Variants in KDM5C observed in about 807,000 individuals in gnomAD.
KDM5C encodes lysine demethylase 5C.
KDM5C carries 16 observed loss-of-function variants against 110.6 expected under a neutral mutation model. The ratio of observed to expected loss-of-function variants is 0.14; its 90% confidence interval spans 0.10 to 0.22. The LOEUF is 0.22. KDM5C is among the 10% of genes least tolerant of loss of function. KDM5C has a pLI of 1.00. For missense variants in KDM5C, 681 were observed against 1,300.9 expected, an observed-to-expected ratio of 0.52 and a Z score of 7.33; for synonymous variants, 511 against 520.4, an observed-to-expected ratio of 0.98 and a Z score of 0.24.
chrX:53,200,563 G>T lies in KDM5C; in HGVS notation c.2061+987C>A, dbSNP rs148561691. ...GAAAATGATGCCTGGAAAAGCCCAG[G>T]GACTCAACAACTTACACCACGACTG... On this transcript the variant is annotated intron_variant, in intron 14 of 25. Coordinates refer to ENST00000375401, the MANE Select transcript of KDM5C (RefSeq NM_004187.5). 1.3e-3 allele frequency among the ~76,000 whole-genome samples: 147 copies of T among 111,340 alleles called. 2 individuals are homozygous for T. In the East Asian group the frequency reaches 0.039, roughly 30 times the overall value.
chrX:53,207,174 T>C (rs1210449506), intron 12 of KDM5C, among the ~76,000 whole-genome samples: 1 of 33,684 alleles, frequency 3.0e-5, no homozygotes. Context: ...TGAGACTCCT[T>C]CTCCAAAAAA....
chrX:53,197,363 C>A (rs1168933616), intron 18 of KDM5C, among the ~76,000 whole-genome samples: 1 of 111,309 alleles, frequency 9.0e-6, no homozygotes, highest in South Asian at 3.8e-4. Flanking sequence ...CACCAAGAGA[C>A]CTCCCTGCCC....
intron 3 of KDM5C, 70 bp downstream of exon 3, chrX:53,218,206 A>C (rs1344823238): frequency 8.5e-7 from 1 of 1,176,716 alleles, no homozygotes; most frequent in East Asian, 3.0e-5. Context: ...ATCCAAACTA[A>C]GGGGGCCCCC....
chrX:53,196,733 G>T lies in KDM5C; in HGVS notation c.2934C>A (p.Thr978=). 8.2e-7 allele frequency: 1 copy of T among 1,212,255 alleles called. No homozygotes were observed. The highest frequency in any genetic ancestry group is 1.1e-6 in the Non-Finnish European group (1 of 895,513). The change falls in exon 19 of 26, where the codon ACC becomes ACA. Residue 978 remains threonine, a synonymous_variant. Coordinates refer to ENST00000375401, the MANE Select transcript of KDM5C (RefSeq NM_004187.5). ...CTTTCTCCTCCCAGCGTTCAGCAAT[G>T]GTCAGCAGTTCCTGCAGCTCGGCCT... is the stretch of plus-strand genomic sequence containing the variant. ...KAQAELQELL[T]IAERWEEKAH... is the part of the protein sequence containing the mutation.
At chrX:53,220,794 G>A (rs781807236) in intron 2 of KDM5C, 45 bp downstream of exon 2, 1 of 1,048,779 alleles carries the variant, frequency 9.5e-7, no homozygotes, top group African/African-American at 1.8e-5. Context: ...TTAGAACTCA[G>A]GTATACATTC....
rs782272528 is a variant in KDM5C, at chrX:53,193,316, C to T, written c.4334G>A (p.Arg1445His). 7.5e-5 allele frequency: 91 copies of T among 1,209,076 alleles called. No homozygotes were observed. The highest frequency in any genetic ancestry group is 9.2e-5 in the Non-Finnish European group (82 of 895,009). The change falls in exon 26 of 26, where the codon CGT (arginine) becomes CAT (histidine). Residue 1445 changes from arginine to histidine, a missense_variant. Arg to His is a conservative substitution (Grantham distance 29). Transcript: ENST00000375401. ...CCGGCCCCGAGCCCGACTCCCGTGACGCTCTGCCTTCTCCAGCTGTGATTA... is the reference window on the plus strand; with the variant it reads ...CCGGCCCCGAGCCCGACTCCCGTGATGCTCTGCCTTCTCCAGCTGTGATTA... ...RTLLELEKAERHGSRARGRAL... is the reference protein window; with the variant it reads ...RTLLELEKAEHHGSRARGRAL...
chrX:53,202,414 C>T (rs901536110), intron 12 of KDM5C: 3 of 147,058 alleles, frequency 2.0e-5, no homozygotes, highest in East Asian at 1.7e-4. Flanking sequence ...ATTATTTTGG[C>T]GTTGATTATA....
At chrX:53,188,046 A>T (rs1934281352), downstream of KDM5C, among the ~76,000 whole-genome samples, 1 of 111,412 alleles carries the variant, frequency 9.0e-6, no homozygotes, top group Non-Finnish European at 1.9e-5. Flanking sequence ...CCGGCCAAAA[A>T]ATAATTTTTT....
chrX:53,207,194 A>AAT (rs1392668399), intron 12 of KDM5C, among the ~76,000 whole-genome samples: 1 of 108,827 alleles, frequency 9.2e-6, no homozygotes, highest in Non-Finnish European at 1.9e-5. Flanking sequence ...AAAAAAAAAA[A>AAT]AAAAAAATCT....
At chrX:53,202,033 C>T (rs985026452) in intron 12 of KDM5C, 60 bp from the exon 13 acceptor site, 4 of 1,182,760 alleles carry the variant, frequency 3.4e-6, no homozygotes, top group Non-Finnish European at 4.6e-6. Flanking sequence ...ACAGACCTGA[C>T]TTAAGTGCAA....
At chrX:53,197,681 A>C in intron 18 of KDM5C, 90 bp downstream of exon 18, 1 of 726,832 alleles carries the variant, frequency 1.4e-6, no homozygotes, top group Non-Finnish European at 2.1e-6. Context: ...TTGCCTGAAC[A>C]CTTTAAGCTT....
At chrX:53,177,145 A>G (rs1335097973) in intron 25 of KDM5C, among the ~76,000 whole-genome samples, 1 of 111,997 alleles carries the variant, frequency 8.9e-6, no homozygotes, top group African/African-American at 3.2e-5. Context: ...CCCTCTTCCA[A>G]GTTGTACTTT....
intron 8 of KDM5C, chrX:53,214,426 C>T (rs1556850589): frequency 5.6e-6 from 2 of 357,352 alleles, no homozygotes; most frequent in Non-Finnish European, 9.8e-6. Flanking sequence ...GAGTTTCTAA[C>T]ACACAATTTA....
Position 53,224,638 on chromosome X carries a change from C to A in KDM5C, c.150+102G>T, listed in dbSNP as rs897922474. On this transcript the variant is annotated intron_variant, in intron 1 of 25. Coordinates refer to ENST00000375401, the MANE Select transcript of KDM5C (RefSeq NM_004187.5). The stretch of plus-strand genomic sequence containing the variant: ...GCAACCACAACGGTCCCAGCCACCC[C>A]CTCTCCCCACCTCGAGCTGCCCTCC... The A allele has an allele frequency of 1.9e-5, 20 of 1,026,718 alleles. No individual in the cohort carries two copies. In the South Asian group the frequency reaches 3.9e-4, roughly 20 times the overall value. 84.6% of individuals were successfully genotyped at this position (1,026,718 alleles called of 1,213,427 possible). A position where few individuals can be genotyped will look rare whatever the true frequency, so the allele number is the denominator to read the frequency against.
intron 25 of KDM5C, among the ~76,000 whole-genome samples, chrX:53,184,607 A>G (rs1218425718): frequency 9.0e-6 from 1 of 111,421 alleles, no homozygotes; most frequent in Non-Finnish European, 1.9e-5. Flanking sequence ...TATTAATGTG[A>G]TGTTATTACC....
intron 12 of KDM5C, 52 bp from the exon 13 acceptor site, chrX:53,202,025 A>G: frequency 8.3e-7 from 1 of 1,199,106 alleles, no homozygotes; most frequent in Non-Finnish European, 1.1e-6. Context: ...TCCTGTATAC[A>G]GACCTGACTT....
chrX:53,209,399 TA>T (rs1218930728), intron 12 of KDM5C, among the ~76,000 whole-genome samples: 2 of 110,740 alleles, frequency 1.8e-5, no homozygotes, highest in African/African-American at 3.3e-5. Context: ...AATTTTATAA[TA>T]AAAAAATATT....
At position 53,192,881 on chromosome X, in the gene KDM5C, C is replaced by CCCCCCCCCACCA; in HGVS notation, c.*85_*86insTGGTGGGGGGGG. ...TGGCCACCCCCCTACCCGCCCACCC[C>CCCCCCCCCACCA]CCAAGAAGCAGGCTTGATGGTCAGA... On this transcript the variant is annotated 3_prime_UTR_variant, in exon 26 of 26. Coordinates refer to ENST00000375401, the MANE Select transcript of KDM5C (RefSeq NM_004187.5). 1 of 1,054,430 alleles carries CCCCCCCCCACCA rather than the reference C, an allele frequency of 9.5e-7. No homozygotes were observed. The highest frequency in any genetic ancestry group is 1.2e-6 in the Non-Finnish European group (1 of 802,814). The allele number at this position is 1,054,430 out of a possible 1,213,427, so 86.9% of individuals were successfully genotyped here.
In KDM5C at chrX:53,193,265, T is replaced by TTCC; in HGVS notation, c.4382_4384dup (p.Arg1461dup). The stretch of plus-strand genomic sequence containing the variant: ...ATCGCCCTCCCCACCCCGATCCACC[T>TTCC]TCCGCCGCCGCCGCCTCTCCAGGGC... On this transcript the variant is annotated inframe_insertion, in exon 26 of 26. Coordinates refer to ENST00000375401, the MANE Select transcript of KDM5C (RefSeq NM_004187.5). The TTCC allele has an allele frequency of 8.3e-7, 1 of 1,208,529 alleles. No individual in the cohort carries two copies. Among genetic ancestry groups the TTCC allele is most frequent in the Non-Finnish European group, 1.1e-6 (1 of 895,022 alleles).
Sources: gnomAD v4.1 joint callset for allele counts (sites outside exome capture counted in the v4.1 genomes callset) on GRCh38, gnomAD v4.1.1 for gene constraint, MANE v1.5 for transcripts, NCBI Gene and HGNC (gene_info 2026-07-23, HGNC 2026-07-21) for gene names.